Variants in CHMP3 observed in about 807,000 individuals in gnomAD.
CHMP3 encodes the protein 25.1 protein.
In CHMP3, 8 loss-of-function variants were observed where a neutral mutation model predicts 27.4. That is an observed-to-expected ratio of 0.29 (90% CI 0.17 to 0.53). CHMP3 has a LOEUF of 0.53. Ranked by LOEUF, CHMP3 falls within the 20% of genes least tolerant of loss-of-function variation. The pLI is 0.96. For missense variants in CHMP3, 208 were observed against 271.5 expected, an observed-to-expected ratio of 0.77 and a Z score of 1.64; for synonymous variants, 86 against 85.5, an observed-to-expected ratio of 1.01 and a Z score of -0.03.
intron 1 of CHMP3, among the ~76,000 whole-genome samples, chr2:86,545,634 A>C (rs2103997249): frequency 6.8e-6 from 1 of 146,052 alleles, no homozygotes; most frequent in African/African-American, 2.6e-5. Flanking sequence ...GGCCGGGCAG[A>C]GGCGCTCCTC....
intron 1 of CHMP3, among the ~76,000 whole-genome samples, chr2:86,553,261 C>G (rs1311974359): frequency 1.3e-5 from 2 of 150,954 alleles, no homozygotes; most frequent in Admixed American, 6.6e-5. Context: ...AAGGAACATT[C>G]TACAAAACAA....
intron 2 of CHMP3, among the ~76,000 whole-genome samples, chr2:86,530,293 C>T (rs1052696317): frequency 6.6e-6 from 1 of 152,066 alleles, no homozygotes; most frequent in Non-Finnish European, 1.5e-5. Context: ...GCACCTGGCC[C>T]AGAACTCTTC....
At chr2:86,515,495 A>G (rs762364753) in intron 3 of CHMP3, among the ~76,000 whole-genome samples, 3 of 151,860 alleles carry the variant, frequency 2.0e-5, no homozygotes, top group Non-Finnish European at 4.4e-5. Context: ...CTAATTTTGT[A>G]TTTCTAGTAG....
intron 5 of CHMP3, 27 bp from the exon 6 acceptor site, chr2:86,505,976 C>G (rs759170373): frequency 7.9e-6 from 12 of 1,521,066 alleles, no homozygotes; most frequent in Non-Finnish European, 1.1e-5. Context: ...AAGATGAACA[C>G]CACATTGGCT....
intron 1 of CHMP3, among the ~76,000 whole-genome samples, chr2:86,545,409 T>C (rs866311734): frequency 1.2e-3 from 130 of 105,918 alleles, no homozygotes; most frequent in African/African-American, 4.5e-3. Context: ...CGCTCCCCAC[T>C]TCCCAGACGG....
chr2:86,550,474 A>T (rs188735300), intron 1 of CHMP3, among the ~76,000 whole-genome samples: 1 of 150,196 alleles, frequency 6.7e-6, no homozygotes, highest in African/African-American at 2.4e-5. Flanking sequence ...GGAGTTCTTA[A>T]ACAAGACACA....
intron 1 of CHMP3, among the ~76,000 whole-genome samples, chr2:86,543,890 C>G (rs367739757): frequency 3.9e-5 from 6 of 152,222 alleles, no homozygotes; most frequent in African/African-American, 1.2e-4. Context: ...TTAAAGTATA[C>G]AATTCACTGG....
At position 86,510,493 on chromosome 2, in the gene CHMP3, T is replaced by C; in HGVS notation, c.287-14A>G. On this transcript the variant is annotated splice_polypyrimidine_tract_variant and intron_variant, in intron 3 of 5. Coordinates refer to ENST00000263856, the MANE Select transcript of CHMP3 (RefSeq NM_016079.4). ...CTCGCAAGACCGCTGAAAGAGAATGTGTACAGTCAGGATTGTTCAACAGGA... is the reference window on the plus strand; with the variant it reads ...CTCGCAAGACCGCTGAAAGAGAATGCGTACAGTCAGGATTGTTCAACAGGA... The C allele has an allele frequency of 6.2e-7, 1 of 1,610,402 alleles. No homozygotes were observed.
chr2:86,548,996 T>A (rs999283389), intron 1 of CHMP3, among the ~76,000 whole-genome samples: 2 of 113,910 alleles, frequency 1.8e-5, no homozygotes, highest in African/African-American at 6.8e-5. Flanking sequence ...GCCTCCCAGA[T>A]GGGGCGGCCA....
intron 3 of CHMP3, chr2:86,512,198 G>A (rs1001676563): frequency 6.6e-6 from 1 of 152,190 alleles, no homozygotes; most frequent in South Asian, 2.1e-4. Context: ...GTTTTTAAGA[G>A]GTGATTAGGC....
intron 3 of CHMP3, among the ~76,000 whole-genome samples, chr2:86,517,569 A>T (rs1675363299): frequency 6.6e-6 from 1 of 151,344 alleles, no homozygotes. Context: ...CCGTCTCAAA[A>T]AAAAAAAAAA....
rs191282474 is a variant in CHMP3 at position 86,545,854 on chromosome 2, G to T, written c.46-3542C>A. Among the ~76,000 whole-genome samples the T allele has an allele frequency of 5.3e-5, 8 of 151,816 alleles. 1 individual carries two copies. Among genetic ancestry groups the T allele is most frequent in the Admixed American group, 3.9e-4 (6 of 15,268 alleles). The stretch of plus-strand genomic sequence containing the variant: ...CTCACTTCCCAGACAGGGCGGCAGG[G>T]CAGAGGCGCTCCTCACTTCCCAGAC... On this transcript the variant is annotated intron_variant, in intron 1 of 5. Coordinates refer to ENST00000263856, the MANE Select transcript of CHMP3 (RefSeq NM_016079.4).
intron 4 of CHMP3, among the ~76,000 whole-genome samples, chr2:86,509,178 C>G (rs567108469): frequency 1.3e-5 from 2 of 152,288 alleles, no homozygotes; most frequent in South Asian, 4.1e-4. Context: ...TGAAAAAGAT[C>G]CCAGATTCTG....
Position 86,529,258 on chromosome 2 carries a change from T to G in CHMP3, c.246A>C (p.Ala82=), listed in dbSNP as rs11548929. 0.15 allele frequency: 246,783 copies of G among 1,611,994 alleles called. 22,110 individuals carry two copies. Among genetic ancestry groups the G allele is most frequent in the African/African-American group, 0.35 (26,486 of 74,716 alleles). ...TCCCCATGAGCACTGAGTTCATGTGTGCTTTGGATGCATACAGCTTGCTCA... is the reference window on the plus strand; with the variant it reads ...TCCCCATGAGCACTGAGTTCATGTGGGCTTTGGATGCATACAGCTTGCTCA... The part of the protein sequence containing the change: ...KAVSKLYASK[A]HMNSVLMGMK... The change falls in exon 3 of 6, where the codon GCA becomes GCC. Residue 82 remains alanine, a synonymous_variant. Transcript: ENST00000263856.
intron 1 of CHMP3, chr2:86,562,858 ACAGACGGCTCCTCCGG>A (rs1418132938): frequency 1.9e-5 from 3 of 158,468 alleles, no homozygotes; most frequent in African/African-American, 4.8e-5. Context: ...AGGACGGAGA[ACAGACGGCTCCTCCGG>A]CAGACGCGAC....
intron 1 of CHMP3, among the ~76,000 whole-genome samples, chr2:86,548,332 G>GCGGCCTTC (rs1321968431): frequency 6.6e-6 from 1 of 152,170 alleles, no homozygotes; most frequent in African/African-American, 2.4e-5. Context: ...AGAGGTTCCT[G>GCGGCCTTC]CGGCCTTCCG....
intron 1 of CHMP3, among the ~76,000 whole-genome samples, chr2:86,547,350 T>A (rs1676652702): frequency 1.3e-5 from 2 of 152,228 alleles, no homozygotes; most frequent in African/African-American, 4.8e-5. Flanking sequence ...TCTATGTATG[T>A]TTTTAAATGT....
At chr2:86,523,055 C>A (rs1675573531) in intron 3 of CHMP3, among the ~76,000 whole-genome samples, 1 of 152,234 alleles carries the variant, frequency 6.6e-6, no homozygotes, top group Non-Finnish European at 1.5e-5. Context: ...ATTGCTACAG[C>A]ACGTCTTATT....
chr2:86,534,917 C>T (rs1378703918), intron 2 of CHMP3, among the ~76,000 whole-genome samples: 2 of 151,934 alleles, frequency 1.3e-5, no homozygotes, highest in Admixed American at 1.3e-4. Context: ...TTGTAAAATC[C>T]ATTCTGCCAA....
Sources: gnomAD v4.1 joint callset for allele counts (sites outside exome capture counted in the v4.1 genomes callset) on GRCh38, gnomAD v4.1.1 for gene constraint, MANE v1.5 for transcripts, NCBI Gene and HGNC (gene_info 2026-07-23, HGNC 2026-07-21) for gene names.